Variants in PTPRN2 observed in about 807,000 individuals in gnomAD.
PTPRN2 encodes receptor-type tyrosine-protein phosphatase N2.
In PTPRN2, 74 loss-of-function variants were observed where a neutral mutation model predicts 118.8. The observed-to-expected ratio is 0.62, with a 90% CI of 0.52 to 0.76. The LOEUF (loss-of-function observed/expected upper bound fraction) is 0.76. Among genes scored for constraint, PTPRN2 ranks in the 30% least tolerant of loss-of-function variants. PTPRN2 has a pLI of 0.00. For missense variants in PTPRN2, 1,481 were observed against 1,394.4 expected (o/e 1.06, Z -0.99); for synonymous variants, 641 against 608.0 (o/e 1.05, Z -0.80).
At chr7:158,443,542 G>C (rs1817509056) in intron 2 of PTPRN2, among the ~76,000 whole-genome samples, 1 of 152,186 alleles carries the variant, frequency 6.6e-6, no homozygotes, top group African/African-American at 2.4e-5. Context: ...ATGCCTCAGG[G>C]AGGGGAGGAA....
At chr7:157,791,469 GT>G (rs1804490028) in intron 12 of PTPRN2, among the ~76,000 whole-genome samples, 1 of 152,168 alleles carries the variant, frequency 6.6e-6, no homozygotes, top group African/African-American at 2.4e-5. Context: ...ATGCATGTAT[GT>G]GCCCGGGTCC....
chr7:158,369,460 C>T (rs995254200), intron 2 of PTPRN2, among the ~76,000 whole-genome samples: 56 of 152,200 alleles, frequency 3.7e-4, no homozygotes, highest in African/African-American at 1.3e-3. Flanking sequence ...AACCTGGGGC[C>T]ACTGGGCAGA....
At chr7:158,060,717 C>T (rs1017919807) in intron 11 of PTPRN2, among the ~76,000 whole-genome samples, 1 of 152,228 alleles carries the variant, frequency 6.6e-6, no homozygotes, top group Non-Finnish European at 1.5e-5. Context: ...GTCCACTGCA[C>T]ACCAGGCAGC....
At chr7:158,008,283 G>A (rs1437939848) in intron 11 of PTPRN2, among the ~76,000 whole-genome samples, 1 of 152,224 alleles carries the variant, frequency 6.6e-6, no homozygotes, top group Non-Finnish European at 1.5e-5. Context: ...AATTTCTACT[G>A]ATTGCATGAT....
chr7:157,835,352 T>C (rs1807858608), intron 12 of PTPRN2, among the ~76,000 whole-genome samples: 1 of 152,020 alleles, frequency 6.6e-6, no homozygotes, highest in Non-Finnish European at 1.5e-5. Flanking sequence ...CTGGGAGAGA[T>C]GAGAAATAAC....
At chr7:158,377,851 A>C (rs1199844280) in intron 2 of PTPRN2, among the ~76,000 whole-genome samples, 1 of 151,982 alleles carries the variant, frequency 6.6e-6, no homozygotes, top group East Asian at 1.9e-4. Flanking sequence ...GTGCAGGCAG[A>C]AGCCTCCCCC....
chr7:157,865,720 G>T (rs569574838), intron 12 of PTPRN2: 3 of 152,368 alleles, frequency 2.0e-5, no homozygotes, highest in South Asian at 4.1e-4. Flanking sequence ...ACGGGCCACG[G>T]GTTTTGTGCG....
chr7:158,537,338 T>G (rs1162109081), intron 1 of PTPRN2, among the ~76,000 whole-genome samples: 1 of 152,144 alleles, frequency 6.6e-6, no homozygotes, highest in African/African-American at 2.4e-5. Context: ...AGGAAGAGGC[T>G]CTCTAGTTCA....
intron 2 of PTPRN2, among the ~76,000 whole-genome samples, chr7:158,441,373 GCAGTGGTGGTGGTGGTGA>G (rs906534959): frequency 6.7e-6 from 1 of 149,328 alleles, no homozygotes; most frequent in Non-Finnish European, 1.5e-5. Context: ...GGCAGTGGTG[GCAGTGGTGGTGGTGGTGA>G]TAATGATGGT....
intron 3 of PTPRN2, among the ~76,000 whole-genome samples, chr7:158,214,132 T>C (rs1304522002): frequency 6.6e-6 from 1 of 152,034 alleles, no homozygotes; most frequent in Non-Finnish European, 1.5e-5. Context: ...AGTTTAAGCA[T>C]CTCCTATGAA....
chr7:157,971,518 A>G (rs915328121), intron 11 of PTPRN2, among the ~76,000 whole-genome samples: 2 of 152,248 alleles, frequency 1.3e-5, no homozygotes, highest in African/African-American at 4.8e-5. Flanking sequence ...CATTAATCAC[A>G]GCAAACTCAT....
intron 2 of PTPRN2, among the ~76,000 whole-genome samples, chr7:158,321,873 G>A (rs1378350588): frequency 6.6e-6 from 1 of 152,190 alleles, no homozygotes; most frequent in Admixed American, 6.5e-5. Flanking sequence ...AGCCGCTAAC[G>A]TGTTTAACTG....
At chr7:157,842,091 C>T (rs1427035554) in intron 12 of PTPRN2, among the ~76,000 whole-genome samples, 1 of 152,200 alleles carries the variant, frequency 6.6e-6, no homozygotes, top group Non-Finnish European at 1.5e-5. Flanking sequence ...TGTCAGAGCA[C>T]TGGAACCATG....
In PTPRN2 at chr7:157,831,368, T is replaced by C. The variant is rs908704946; in HGVS notation, c.1788+67305A>G. Among the ~76,000 whole-genome samples, 5 of 152,126 alleles carry C rather than the reference T, an allele frequency of 3.3e-5. No individual in the cohort carries two copies. Among genetic ancestry groups the C allele is most frequent in the African/African-American group, 1.2e-4 (5 of 41,434 alleles). On this transcript the variant is annotated intron_variant, in intron 12 of 22. Transcript: ENST00000389418. The surrounding 1 kb of genome is among the most constrained non-coding windows in gnomAD (Gnocchi z 4.8). ...ATCCTGTAGTCTAAGCCTTCTCTCG[T>C]TGGGGTTTTCTGTTATTTCTTCCCG...
chr7:157,840,385 C>CGTGTGACTGTGTGACCGT (rs1157675906), intron 12 of PTPRN2, among the ~76,000 whole-genome samples: 1 of 116,368 alleles, frequency 8.6e-6, no homozygotes, highest in Non-Finnish European at 1.7e-5. Flanking sequence ...TGTGTGACCG[C>CGTGTGACTGTGTGACCGT]GTGTGACTGT....
In PTPRN2 at chr7:158,574,686, T is replaced by C. The variant is rs977298636; in HGVS notation, c.112+12872A>G. On this transcript the variant is annotated intron_variant, in intron 1 of 22. Transcript: ENST00000389418. This position sits in a 1 kb window ranked among gnomAD's most constrained non-coding sequence, Gnocchi z 4.6. ...GTGGCATGGAAGGGGCCAATACTTC[T>C]TTCTTTCTTTTAAAGTTTGTTCTGC... Among the ~76,000 whole-genome samples, 2 of 152,258 alleles carry C rather than the reference T, an allele frequency of 1.3e-5. No homozygotes were observed. Among genetic ancestry groups the C allele is most frequent in the African/African-American group, 4.8e-5 (2 of 41,470 alleles).
intron 9 of PTPRN2, among the ~76,000 whole-genome samples, chr7:158,125,277 C>A (rs1302363057): frequency 6.7e-6 from 1 of 150,270 alleles, no homozygotes; most frequent in South Asian, 2.1e-4. Context: ...CCTCAAGTCC[C>A]TCCCACGGCC....
chr7:158,549,447 G>A (rs1215150822), intron 1 of PTPRN2, among the ~76,000 whole-genome samples: 1 of 152,252 alleles, frequency 6.6e-6, no homozygotes, highest in Non-Finnish European at 1.5e-5. Flanking sequence ...CCCCAGGGAT[G>A]GCGCCTCACT....
At chr7:157,541,079 A>G (rs1797991492) in intron 22 of PTPRN2, among the ~76,000 whole-genome samples, 1 of 152,330 alleles carries the variant, frequency 6.6e-6, no homozygotes, top group South Asian at 2.1e-4. Flanking sequence ...TGCCCACAGA[A>G]GCAGCGAGAA....
Sources: gnomAD v4.1 joint callset for allele counts (sites outside exome capture counted in the v4.1 genomes callset) on GRCh38, gnomAD v4.1.1 for gene constraint, Gnocchi (gnomAD v3.1) non-coding constraint, MANE v1.5 for transcripts, NCBI Gene and HGNC (gene_info 2026-07-23, HGNC 2026-07-21) for gene names.